Variants in PPP1R12B observed in about 807,000 individuals in gnomAD.
The protein encoded by PPP1R12B is protein phosphatase 1 regulatory subunit 12B.
PPP1R12B carries 76 observed loss-of-function variants against 126.1 expected under a neutral mutation model. The observed-to-expected ratio is 0.60, with a 90% CI of 0.50 to 0.73. PPP1R12B has a LOEUF of 0.73. Among genes scored for constraint, PPP1R12B ranks in the 30% least tolerant of loss-of-function variants. The probability of loss-of-function intolerance (pLI) is 0.00; values close to 1 mark genes in which losing one functional copy is unlikely to be tolerated. For missense variants in PPP1R12B, 1,052 were observed against 1,205.1 expected (o/e 0.87, Z 1.88); for synonymous variants, 356 against 434.7 (o/e 0.82, Z 2.25).
chr1:202,452,297 C>T (rs1379574640), intron 13 of PPP1R12B, among the ~76,000 whole-genome samples: 2 of 152,224 alleles, frequency 1.3e-5, no homozygotes, highest in Admixed American at 1.3e-4. Flanking sequence ...TCTGCAATCC[C>T]GGCACCTCGG....
intron 18 of PPP1R12B, among the ~76,000 whole-genome samples, chr1:202,528,263 ACAT>A (rs1252699060): frequency 6.6e-6 from 1 of 152,250 alleles, no homozygotes; most frequent in Non-Finnish European, 1.5e-5. Flanking sequence ...CTAGTTAGTA[ACAT>A]CATATGCAAT....
intron 18 of PPP1R12B, among the ~76,000 whole-genome samples, chr1:202,511,592 C>T (rs1008052504): frequency 2.6e-5 from 4 of 151,918 alleles, no homozygotes; most frequent in African/African-American, 9.7e-5. Flanking sequence ...CATTCTTATG[C>T]CTTTGCTTTT....
Position 202,394,694 on chromosome 1 carries a change from C to T in PPP1R12B, c.292-22093C>T, listed in dbSNP as rs543338222. ...ACTTGAACCCATGAGGCGGACGTTGCGGTGAGCCGAAATTGCACCATTGCA... is the reference window on the plus strand; with the variant it reads ...ACTTGAACCCATGAGGCGGACGTTGTGGTGAGCCGAAATTGCACCATTGCA... On this transcript the variant is annotated intron_variant, in intron 1 of 23. Transcript: ENST00000608999. 2.3e-4 allele frequency among the ~76,000 whole-genome samples: 35 copies of T among 151,426 alleles called. No individual in the cohort carries two copies. The South Asian group carries it at 4.0e-3, about 17-fold the overall frequency.
Position 202,580,594 on chromosome 1 carries a change from C to A in PPP1R12B, c.*34C>A. The A allele has an allele frequency of 3.2e-6, 5 of 1,552,602 alleles. No individual in the cohort carries two copies. The highest frequency in any genetic ancestry group is 3.4e-4 in the Middle Eastern group (2 of 5,954). Reference sequence around the variant, plus strand: ...CCAGATTTATGAGGAAAGAAAGGGACAGCATTTGCTGCCCCCACCCCTCTT... The same window carrying A: ...CCAGATTTATGAGGAAAGAAAGGGAAAGCATTTGCTGCCCCCACCCCTCTT... On this transcript the variant is annotated 3_prime_UTR_variant, in exon 24 of 24. Transcript: ENST00000608999.
chr1:202,428,037 T>C (rs1255757495), intron 5 of PPP1R12B, among the ~76,000 whole-genome samples: 2 of 11,090 alleles, frequency 1.8e-4, no homozygotes, highest in Admixed American at 1.2e-3. Flanking sequence ...CTCAAGCTCC[T>C]GGGCTCAAGT....
intron 1 of PPP1R12B, among the ~76,000 whole-genome samples, chr1:202,387,355 A>C (rs1219710218): frequency 6.6e-6 from 1 of 152,226 alleles, no homozygotes; most frequent in Non-Finnish European, 1.5e-5. Context: ...GGTGAAACTT[A>C]GTCTCAAAAA....
intron 18 of PPP1R12B, among the ~76,000 whole-genome samples, chr1:202,547,824 G>C (rs1399967942): frequency 2.0e-5 from 3 of 152,150 alleles, no homozygotes; most frequent in African/African-American, 4.8e-5. Context: ...CCCTTTACTT[G>C]AGTGCTGAGG....
intron 1 of PPP1R12B, among the ~76,000 whole-genome samples, chr1:202,404,550 G>A (rs1571854185): frequency 6.6e-6 from 1 of 151,960 alleles, no homozygotes; most frequent in East Asian, 1.9e-4. Context: ...TGCCCAGGCT[G>A]GAGTGCAGTG....
chr1:202,436,293 AAC>A (rs1346538769), intron 9 of PPP1R12B, among the ~76,000 whole-genome samples: 5 of 151,966 alleles, frequency 3.3e-5, no homozygotes, highest in East Asian at 1.9e-4. Flanking sequence ...CAACAACAAC[AAC>A]ACACACACAT....
Position 202,390,218 on chromosome 1 carries a change from C to T in PPP1R12B, c.292-26569C>T, listed in dbSNP as rs1571770861. On this transcript the variant is annotated intron_variant, in intron 1 of 23. Coordinates refer to ENST00000608999, the MANE Select transcript of PPP1R12B (RefSeq NM_002481.4). ...TTTCAACAAATGGTACAGGGGGCAG[C>T]TGGATAACATGCAAAAGAATGAAGT... Among the ~76,000 whole-genome samples, 4 of 152,116 alleles carry T rather than the reference C, an allele frequency of 2.6e-5. No homozygotes were observed. The South Asian group carries it at 8.3e-4, about 32-fold the overall frequency.
In PPP1R12B at chr1:202,545,247, T is replaced by G. The variant is rs149275921; in HGVS notation, c.2491-13630T>G. Among the ~76,000 whole-genome samples, 100 of 152,312 alleles carry G rather than the reference T, an allele frequency of 6.6e-4. 1 individual carries two copies. The East Asian group carries it at 0.018, about 28-fold the overall frequency. On this transcript the variant is annotated intron_variant, in intron 18 of 23. Transcript: ENST00000608999. ...TTCACTCAAGGAAAATCAATAGCAG[T>G]AATTGTTCAGCCCAAGGAATCTTCC...
At chr1:202,372,722 G>A (rs1253181570) in intron 1 of PPP1R12B, among the ~76,000 whole-genome samples, 1 of 151,458 alleles carries the variant, frequency 6.6e-6, no homozygotes, top group African/African-American at 2.4e-5. Flanking sequence ...ATAGTGAACT[G>A]TGATTGTGCT....
intron 13 of PPP1R12B, among the ~76,000 whole-genome samples, chr1:202,466,958 T>C (rs952852597): frequency 6.6e-6 from 1 of 152,152 alleles, no homozygotes; most frequent in Non-Finnish European, 1.5e-5. Flanking sequence ...TCTTTACTTC[T>C]CATATTTAGT....
Position 202,367,588 on chromosome 1 carries a change from C to T in PPP1R12B, c.291+18446C>T, listed in dbSNP as rs558728922. The stretch of plus-strand genomic sequence containing the variant: ...GCTTAAGGGCCTCACATCTGTTTTT[C>T]CTTCTGCCTGGAATGCTATTCCATC... On this transcript the variant is annotated intron_variant, in intron 1 of 23. Transcript: ENST00000608999. Among the ~76,000 whole-genome samples the T allele has an allele frequency of 1.1e-4, 17 of 152,306 alleles. No individual in the cohort carries two copies. In the South Asian group the frequency reaches 3.5e-3, roughly 32 times the overall value.
intron 13 of PPP1R12B, among the ~76,000 whole-genome samples, chr1:202,478,438 A>G (rs1223342514): frequency 6.6e-6 from 1 of 152,228 alleles, no homozygotes; most frequent in Admixed American, 6.5e-5. Context: ...CCCATCTGAG[A>G]TAAAGAAAAA....
chr1:202,478,503 G>A (rs1676958292), intron 13 of PPP1R12B, among the ~76,000 whole-genome samples: 1 of 151,886 alleles, frequency 6.6e-6, no homozygotes, highest in South Asian at 2.1e-4. Flanking sequence ...GAATTTATGG[G>A]TTTTGTTTTT....
chr1:202,540,403 C>G (rs548286352), intron 18 of PPP1R12B, among the ~76,000 whole-genome samples: 4 of 152,304 alleles, frequency 2.6e-5, no homozygotes, highest in East Asian at 1.9e-4. Context: ...GTAAGTTTCT[C>G]TGCAAGAGGT....
In PPP1R12B at chr1:202,560,014, A is replaced by G. The variant is rs577898089; in HGVS notation, c.2507+1121A>G. ...GGAACACAATCCATAGCCCCCCAAAAATCACATGTATAAGGTGACTTCATC... is the reference window on the plus strand; with the variant it reads ...GGAACACAATCCATAGCCCCCCAAAGATCACATGTATAAGGTGACTTCATC... On this transcript the variant is annotated intron_variant, in intron 19 of 23. Transcript: ENST00000608999. Among the ~76,000 whole-genome samples, 16 of 152,284 alleles carry G rather than the reference A, an allele frequency of 1.1e-4. No individual in the cohort carries two copies. The East Asian group carries it at 1.7e-3, about 17-fold the overall frequency.
At chr1:202,467,634 T>C (rs557088110) in intron 13 of PPP1R12B, among the ~76,000 whole-genome samples, 2 of 152,220 alleles carry the variant, frequency 1.3e-5, no homozygotes, top group Non-Finnish European at 2.9e-5. Context: ...TGTTGGACAT[T>C]TGGGTTGGTT....
Sources: allele counts gnomAD v4.1 joint callset (sites outside exome capture counted in the v4.1 genomes callset), GRCh38; gene constraint gnomAD v4.1.1; transcripts MANE v1.5; gene names NCBI Gene and HGNC (gene_info 2026-07-23, HGNC 2026-07-21).